Variants in HDAC9 observed in about 807,000 individuals in gnomAD.
HDAC9 encodes histone deacetylase 9.
Under a neutral mutation model 139.4 loss-of-function variants are expected in HDAC9, and 41 were observed. The ratio of observed to expected loss-of-function variants is 0.29; its 90% CI spans 0.23 to 0.38. The LOEUF (loss-of-function observed/expected upper bound fraction) is 0.38, where lower values mean the gene tolerates loss of function less well. HDAC9 is among the 10% of genes least tolerant of loss of function. The pLI, the probability that HDAC9 is intolerant of heterozygous loss-of-function variation, is 1.00. For synonymous variants in HDAC9, 517 were observed against 476.2 expected (o/e 1.09, Z -1.12); for missense variants, 1,147 against 1,297.0 (o/e 0.88, Z 1.78).
chr7:18,213,950 T>C (rs1792120038), intron 2 of HDAC9, among the ~76,000 whole-genome samples: 1 of 152,110 alleles, frequency 6.6e-6, no homozygotes, highest in African/African-American at 2.4e-5. Flanking sequence ...CAGTTGTTTT[T>C]TTCCTTCCCC....
chr7:18,172,358 T>C (rs184088556), intron 2 of HDAC9, among the ~76,000 whole-genome samples: 22 of 152,276 alleles, frequency 1.4e-4, no homozygotes, highest in African/African-American at 5.1e-4. Context: ...TTATTAGTCT[T>C]GCTAGCAGTC....
At chr7:18,337,187 A>G (rs1781646071) in intron 1 of HDAC9, among the ~76,000 whole-genome samples, 1 of 151,582 alleles carries the variant, frequency 6.6e-6, no homozygotes, top group Non-Finnish European at 1.5e-5. Context: ...AAATCAACCA[A>G]CTTTCAAATG....
intron 1 of HDAC9, among the ~76,000 whole-genome samples, chr7:18,323,366 TG>T (rs1585173420): frequency 6.6e-6 from 1 of 152,202 alleles, no homozygotes; most frequent in African/African-American, 2.4e-5. Flanking sequence ...GTTCTTGGCT[TG>T]GGCCTTTGTT....
At chr7:18,294,948 A>C (rs990228810) in intron 1 of HDAC9, among the ~76,000 whole-genome samples, 3 of 152,110 alleles carry the variant, frequency 2.0e-5, no homozygotes, top group Non-Finnish European at 2.9e-5. Flanking sequence ...ATCAATTATG[A>C]TCCTATGGTG....
intron 1 of HDAC9, among the ~76,000 whole-genome samples, chr7:18,451,144 T>G (rs1792780208): frequency 6.6e-6 from 1 of 152,106 alleles, no homozygotes; most frequent in South Asian, 2.1e-4. Context: ...GAAACAGGCC[T>G]GAGGGAGCTT....
chr7:18,847,535 C>G (rs1308378718), intron 21 of HDAC9, among the ~76,000 whole-genome samples: 1 of 152,152 alleles, frequency 6.6e-6, no homozygotes, highest in African/African-American at 2.4e-5. Flanking sequence ...GAGGAACCCT[C>G]CTGTGGTGTG....
chr7:18,883,201 G>A (rs1466951013), intron 22 of HDAC9, among the ~76,000 whole-genome samples: 1 of 152,110 alleles, frequency 6.6e-6, no homozygotes, highest in Non-Finnish European at 1.5e-5. Context: ...AAATAGTCCA[G>A]TGATGCTTTT....
At chr7:18,118,124 CAT>C (rs1002710670) in intron 1 of HDAC9, among the ~76,000 whole-genome samples, 1 of 152,288 alleles carries the variant, frequency 6.6e-6, no homozygotes. Flanking sequence ...TCAGGGTTAA[CAT>C]GCATTCTTTC....
chr7:18,560,147 A>C (rs1346704746), intron 2 of HDAC9, among the ~76,000 whole-genome samples: 2 of 152,124 alleles, frequency 1.3e-5, no homozygotes, highest in African/African-American at 4.8e-5. Context: ...TCATGTGGAG[A>C]ATATAAAAAA....
chr7:18,587,492 T>A (rs200320414), intron 3 of HDAC9, among the ~76,000 whole-genome samples: 2 of 152,232 alleles, frequency 1.3e-5, no homozygotes, highest in East Asian at 3.8e-4. Context: ...AAGCTAAAAG[T>A]TGATGCTTTT....
chr7:18,162,865 T>G (rs1405459817), intron 2 of HDAC9, among the ~76,000 whole-genome samples: 2 of 152,130 alleles, frequency 1.3e-5, no homozygotes, highest in African/African-American at 4.8e-5. Flanking sequence ...CTTCCTCCTA[T>G]TCCAGTGATG....
intron 25 of HDAC9, among the ~76,000 whole-genome samples, chr7:18,986,938 AGTT>A (rs1275573210): frequency 6.6e-6 from 1 of 152,122 alleles, no homozygotes; most frequent in Non-Finnish European, 1.5e-5. Context: ...ACTTTGCTGA[AGTT>A]GCTTATCAGC....
chr7:18,269,957 G>T (rs1290661173), intron 2 of HDAC9, among the ~76,000 whole-genome samples: 2 of 152,012 alleles, frequency 1.3e-5, no homozygotes, highest in Non-Finnish European at 2.9e-5. Context: ...CTAGACAGGG[G>T]TTTCTCAACC....
rs35479287 is a variant in HDAC9, at chr7:18,204,332, C to CT, written c.25+42001dup. Among the ~76,000 whole-genome samples, 979 of 115,940 alleles carry CT rather than the reference C, an allele frequency of 8.4e-3. 14 individuals carry two copies. Among genetic ancestry groups the CT allele is most frequent in the African/African-American group, 0.024 (754 of 30,892 alleles). The allele number at this position is 115,940 out of a possible 152,430, so 76.1% of individuals were successfully genotyped here. On this transcript the variant is annotated intron_variant, in intron 2 of 12. Coordinates refer to the HDAC9 transcript ENST00000417496. ...ACCACAAATACCTATTTGAATCTGC[C>CT]TTTTTTTTTTTTTTTTTTGGAATTA...
chr7:18,742,034 C>G (rs1787508397), intron 13 of HDAC9, among the ~76,000 whole-genome samples: 1 of 152,118 alleles, frequency 6.6e-6, no homozygotes, highest in Non-Finnish European at 1.5e-5. Context: ...GAGTGTACTC[C>G]TGGTGAAGAT....
chr7:18,571,294 T>A (rs536532492), intron 2 of HDAC9, among the ~76,000 whole-genome samples: 1 of 152,366 alleles, frequency 6.6e-6, no homozygotes, highest in Admixed American at 6.5e-5. Flanking sequence ...AAAACAGTAA[T>A]GTAATTTGCC....
chr7:18,158,653 T>G (rs1035975743), intron 1 of HDAC9, among the ~76,000 whole-genome samples: 3 of 152,200 alleles, frequency 2.0e-5, no homozygotes, highest in Admixed American at 6.5e-5. Flanking sequence ...CAAAGGGCTG[T>G]TGTGAAGATC....
At chr7:18,459,726 C>A (rs1793667902) in intron 1 of HDAC9, among the ~76,000 whole-genome samples, 4 of 152,056 alleles carry the variant, frequency 2.6e-5, no homozygotes, top group Admixed American at 1.3e-4. Context: ...GATAGTGTGT[C>A]CCCTTGGGCT....
intron 1 of HDAC9, among the ~76,000 whole-genome samples, chr7:18,438,757 A>C (rs1294905313): frequency 6.6e-6 from 1 of 152,018 alleles, no homozygotes; most frequent in Non-Finnish European, 1.5e-5. Flanking sequence ...GATATACAGA[A>C]AAGTGTTAAT....
Sources: allele counts gnomAD v4.1 joint callset (sites outside exome capture counted in the v4.1 genomes callset), GRCh38; gene constraint gnomAD v4.1.1; transcripts MANE v1.5; gene names NCBI Gene and HGNC (gene_info 2026-07-23, HGNC 2026-07-21).